Variants in JAM3 observed in about 807,000 individuals in gnomAD.
The protein encoded by JAM3 is junctional adhesion molecule 3.
In JAM3, 31 loss-of-function variants were observed where a neutral mutation model predicts 39.4. That is an observed-to-expected ratio of 0.79 (90% CI 0.59 to 1.06). The LOEUF is 1.06. Ranked by LOEUF, JAM3 falls within the 50% of genes least tolerant of loss-of-function variation. The pLI is 0.00. For synonymous variants in JAM3, 182 were observed against 148.7 expected (o/e 1.22, Z -1.63); for missense variants, 455 against 391.4 (o/e 1.16, Z -1.37).
At chr11:134,089,674 T>G (rs1387772444) in intron 1 of JAM3, among the ~76,000 whole-genome samples, 2 of 152,238 alleles carry the variant, frequency 1.3e-5, no homozygotes, top group Non-Finnish European at 2.9e-5. Context: ...TTCCATGATG[T>G]ATATGTGCCA....
rs1175572565 is a variant in JAM3, at chr11:134,144,964, T to C, written c.582T>C (p.Ser194=). The change falls in exon 5 of 9, where the codon TCT becomes TCC. Residue 194 remains serine (S), a synonymous_variant. Coordinates refer to ENST00000299106, the MANE Select transcript of JAM3 (RefSeq NM_032801.5). ...SRANPRFRNS[S]FHLNSETGTL... ...CCAATCCCAGATTTCGCAATTCTTC[T>C]TTCCACTTAAACTCTGAAACAGGCA... 2 of 1,614,062 alleles carry C rather than the reference T, an allele frequency of 1.2e-6. No individual in the cohort carries two copies. Among genetic ancestry groups the C allele is most frequent in the Admixed American group, 1.7e-5 (1 of 60,010 alleles).
intron 1 of JAM3, among the ~76,000 whole-genome samples, chr11:134,095,915 C>T (rs1941973993): frequency 6.6e-6 from 1 of 152,194 alleles, no homozygotes; most frequent in Non-Finnish European, 1.5e-5. Flanking sequence ...TGGACACATA[C>T]AGCCCTCTAA....
intron 1 of JAM3, among the ~76,000 whole-genome samples, chr11:134,085,801 AAG>A (rs1941738759): frequency 6.6e-6 from 1 of 152,232 alleles, no homozygotes; most frequent in African/African-American, 2.4e-5. Flanking sequence ...ATTCATTGAT[AAG>A]AGAACATCAC....
intron 1 of JAM3, among the ~76,000 whole-genome samples, chr11:134,082,919 C>T (rs1163101376): frequency 6.6e-6 from 1 of 152,182 alleles, no homozygotes; most frequent in Non-Finnish European, 1.5e-5. Flanking sequence ...TGCATGTAAA[C>T]TTCAAGAGTG....
chr11:134,081,294 C>T (rs1941661550), intron 1 of JAM3, among the ~76,000 whole-genome samples: 2 of 152,204 alleles, frequency 1.3e-5, no homozygotes, highest in Admixed American at 1.3e-4. Flanking sequence ...ATGTTAATCC[C>T]CAAGACAATG....
At chr11:134,098,796 G>C (rs532312638) in intron 1 of JAM3, among the ~76,000 whole-genome samples, 1 of 152,264 alleles carries the variant, frequency 6.6e-6, no homozygotes, top group Admixed American at 6.5e-5. Flanking sequence ...GTGAGGGATA[G>C]CTCAGTAAGC....
intron 1 of JAM3, among the ~76,000 whole-genome samples, chr11:134,108,570 C>G (rs192639432): frequency 1.3e-5 from 2 of 152,276 alleles, no homozygotes; most frequent in Admixed American, 1.3e-4. Context: ...CAAGTTCTGG[C>G]TGTTTGTGTG....
Position 134,123,958 on chromosome 11 carries a change from C to T in JAM3, c.77-15893C>T, listed in dbSNP as rs373642565. The stretch of plus-strand genomic sequence containing the variant: ...TGTGTTATAAACTGAACTGCATCTT[C>T]GTACTTCATTCCATATTCAATCAAA... On this transcript the variant is annotated intron_variant, in intron 1 of 8. Coordinates refer to ENST00000299106, the MANE Select transcript of JAM3 (RefSeq NM_032801.5). The T allele has an allele frequency of 1.3e-5, 20 of 1,501,376 alleles. No individual in the cohort carries two copies. The East Asian group carries it at 1.4e-4, about 10-fold the overall frequency. 93.0% of individuals were successfully genotyped at this position (1,501,376 alleles called of 1,614,324 possible). A position where few individuals can be genotyped will look rare whatever the true frequency, so the allele number is the denominator to read the frequency against.
chr11:134,130,587 C>G (rs1565499845), intron 1 of JAM3, among the ~76,000 whole-genome samples: 1 of 152,124 alleles, frequency 6.6e-6, no homozygotes, highest in Non-Finnish European at 1.5e-5. Flanking sequence ...GCTCTGAAAT[C>G]AGTCAAACGA....
intron 1 of JAM3, among the ~76,000 whole-genome samples, chr11:134,075,914 CCTTT>C (rs772517597): frequency 8.3e-4 from 126 of 152,214 alleles, no homozygotes; most frequent in Non-Finnish European, 1.3e-3. Context: ...CTGTTAACCT[CCTTT>C]GTCATTTTTT....
chr11:134,080,979 G>A (rs1941656162), intron 1 of JAM3, among the ~76,000 whole-genome samples: 1 of 152,194 alleles, frequency 6.6e-6, no homozygotes. Context: ...TTGGGAACTG[G>A]AGTAAAGGTG....
chr11:134,095,315 C>A (rs185507626), intron 1 of JAM3, among the ~76,000 whole-genome samples: 1 of 151,822 alleles, frequency 6.6e-6, no homozygotes, highest in East Asian at 1.9e-4. Flanking sequence ...TTTTTATTGG[C>A]ACATGAAGTC....
chr11:134,097,484 T>A (rs1437335687), intron 1 of JAM3, among the ~76,000 whole-genome samples: 14 of 152,178 alleles, frequency 9.2e-5, no homozygotes, highest in Non-Finnish European at 2.1e-4. Context: ...CTTTGGAGCA[T>A]TAGTGATGCA....
In JAM3 at chr11:134,151,557, C is replaced by G. The variant is rs1192927257; in HGVS notation, c.*2376C>G. 6.6e-6 allele frequency: 1 copy of G among 152,146 alleles called. No individual in the cohort carries two copies. The highest frequency in any genetic ancestry group is 1.9e-4 in the East Asian group (1 of 5,192). 9.4% of individuals were successfully genotyped at this position (152,146 alleles called of 1,614,324 possible). A position where few individuals can be genotyped will look rare whatever the true frequency, so the allele number is the denominator to read the frequency against. ...AAAGTAGAGTCTGGGAAGTAGCTGCCTATAACTGAGACTAGACGGAAAAGG... is the reference window on the plus strand; with the variant it reads ...AAAGTAGAGTCTGGGAAGTAGCTGCGTATAACTGAGACTAGACGGAAAAGG... On this transcript the variant is annotated 3_prime_UTR_variant, in exon 9 of 9. Coordinates refer to ENST00000299106, the MANE Select transcript of JAM3 (RefSeq NM_032801.5).
Position 134,151,787 on chromosome 11 carries a change from T to A in JAM3, c.*2606T>A, listed in dbSNP as rs1456044041. The A allele has an allele frequency of 6.6e-6, 1 of 152,194 alleles. No homozygotes were observed. Among genetic ancestry groups the A allele is most frequent in the African/African-American group, 2.4e-5 (1 of 41,436 alleles). The allele number at this position is 152,194 out of a possible 1,614,324, so 9.4% of individuals were successfully genotyped here. ...TCATTCTTTGTTATTTGCTCTTACG[T>A]TGGGTTTGTCTCTTCTTCCTAGCAT... On this transcript the variant is annotated 3_prime_UTR_variant, in exon 9 of 9. Coordinates refer to ENST00000299106, the MANE Select transcript of JAM3 (RefSeq NM_032801.5).
chr11:134,107,346 G>T (rs1041844519), intron 1 of JAM3, among the ~76,000 whole-genome samples: 1 of 152,054 alleles, frequency 6.6e-6, no homozygotes, highest in Non-Finnish European at 1.5e-5. Flanking sequence ...GTTGGGAGAG[G>T]GGGGAGGGAT....
chr11:134,131,483 A>G (rs184193905), intron 1 of JAM3, among the ~76,000 whole-genome samples: 79 of 152,252 alleles, frequency 5.2e-4, no homozygotes, highest in Non-Finnish European at 5.6e-4. Flanking sequence ...TATTATAATA[A>G]TCAAATGCCA....
chr11:134,102,673 C>G (rs2120688434), intron 1 of JAM3, among the ~76,000 whole-genome samples: 1 of 152,228 alleles, frequency 6.6e-6, no homozygotes, highest in South Asian at 2.1e-4. Context: ...CCTTAAATGA[C>G]CTGATGGAGC....
At position 134,116,356 on chromosome 11, in the gene JAM3, C is replaced by T. The variant is rs562407119; in HGVS notation, c.77-23495C>T. 2.0e-4 allele frequency among the ~76,000 whole-genome samples: 30 copies of T among 152,224 alleles called. 1 individual carries two copies. The South Asian group carries it at 6.2e-3, about 32-fold the overall frequency. On this transcript the variant is annotated intron_variant, in intron 1 of 8. Coordinates refer to ENST00000299106, the MANE Select transcript of JAM3 (RefSeq NM_032801.5). ...TTCCCTTATTCTTTCTACATTTGTTCATTGTAATTCTCCTGTAAAGAAAAT... is the reference window on the plus strand; with the variant it reads ...TTCCCTTATTCTTTCTACATTTGTTTATTGTAATTCTCCTGTAAAGAAAAT...
Sources: gnomAD v4.1 joint callset for allele counts (sites outside exome capture counted in the v4.1 genomes callset) on GRCh38, gnomAD v4.1.1 for gene constraint, MANE v1.5 for transcripts, NCBI Gene and HGNC (gene_info 2026-07-23, HGNC 2026-07-21) for gene names.